Variants in CSMD1 observed in about 807,000 individuals in gnomAD.
The protein encoded by CSMD1 is CUB and sushi domain-containing protein 1.
In CSMD1, 213 loss-of-function variants were observed where a neutral mutation model predicts 417.5. The observed-to-expected ratio is 0.51, with a 90% CI of 0.46 to 0.57. The LOEUF (loss-of-function observed/expected upper bound fraction) is 0.57, where lower values mean the gene tolerates loss of function less well. Ranked by LOEUF, CSMD1 falls within the 20% of genes least tolerant of loss-of-function variation. The probability of loss-of-function intolerance (pLI) is 0.00; values close to 1 mark genes in which losing one functional copy is unlikely to be tolerated. For synonymous variants in CSMD1, 2,862 were observed against 1,736.8 expected (o/e 1.65, Z -16.11); for missense variants, 6,923 against 4,529.7 (o/e 1.53, Z -15.17).
Position 3,417,635 on chromosome 8 carries a change from C to T in CSMD1, c.1562-8030G>A, listed in dbSNP as rs73657874. On this transcript the variant is annotated intron_variant, in intron 12 of 69. Coordinates refer to ENST00000635120, the MANE Select transcript of CSMD1 (RefSeq NM_033225.6). ...GATTAAAATGGCCCAGAAATCAGTA[C>T]ATGCTTCCATTTTCGCTGAAGAGAG... Among the ~76,000 whole-genome samples, 593 of 152,000 alleles carry T rather than the reference C, an allele frequency of 3.9e-3. 3 individuals carry two copies. The highest frequency in any genetic ancestry group is 0.013 in the African/African-American group (548 of 41,468).
At chr8:3,339,632 A>G (rs1563288213) in intron 23 of CSMD1, among the ~76,000 whole-genome samples, 1 of 152,230 alleles carries the variant, frequency 6.6e-6, no homozygotes, top group Non-Finnish European at 1.5e-5. Flanking sequence ...CTACTCTGAT[A>G]TCCAATGCTT....
intron 1 of CSMD1, among the ~76,000 whole-genome samples, chr8:4,762,856 G>A (rs1226360559): frequency 2.6e-5 from 4 of 152,134 alleles, no homozygotes; most frequent in African/African-American, 7.2e-5. Flanking sequence ...GGTATGTATT[G>A]GAGTTAATAA....
At chr8:4,299,280 GT>G (rs1188657698) in intron 3 of CSMD1, among the ~76,000 whole-genome samples, 2 of 152,126 alleles carry the variant, frequency 1.3e-5, no homozygotes, top group African/African-American at 2.4e-5. Flanking sequence ...ATAAGATAAA[GT>G]TTTTCTTCAC....
intron 36 of CSMD1, among the ~76,000 whole-genome samples, chr8:3,186,097 C>T (rs904053215): frequency 5.4e-5 from 8 of 148,810 alleles, no homozygotes; most frequent in African/African-American, 2.0e-4. Flanking sequence ...ACCTGTAATG[C>T]TGTCTATTTA....
intron 12 of CSMD1, among the ~76,000 whole-genome samples, chr8:3,447,868 T>C (rs1376331504): frequency 1.3e-5 from 2 of 152,090 alleles, no homozygotes; most frequent in Admixed American, 6.5e-5. Flanking sequence ...TTACTCTTCG[T>C]TCCTCAAGGC....
chr8:3,276,021 C>T (rs965035874), intron 26 of CSMD1, among the ~76,000 whole-genome samples: 1 of 152,134 alleles, frequency 6.6e-6, no homozygotes, highest in Admixed American at 6.6e-5. Context: ...TTTAGAGTTT[C>T]CAGTTTTTCT....
chr8:4,738,363 C>T lies in CSMD1; in HGVS notation c.86-100805G>A, dbSNP rs895433369. Among the ~76,000 whole-genome samples the T allele has an allele frequency of 3.9e-5, 6 of 152,092 alleles. No individual in the cohort carries two copies. The South Asian group carries it at 6.2e-4, about 16-fold the overall frequency. ...GAAGAGGCCTCAGAAAACTTTCAAT[C>T]GTAGCAAAAGGGCAGCAAACATGTT... On this transcript the variant is annotated intron_variant, in intron 1 of 69. Transcript: ENST00000635120.
At chr8:4,840,726 C>T (rs972094127) in intron 1 of CSMD1, among the ~76,000 whole-genome samples, 5 of 152,196 alleles carry the variant, frequency 3.3e-5, no homozygotes, top group Non-Finnish European at 7.3e-5. Context: ...CTGAAGACCA[C>T]TGGCTTTTCA....
chr8:3,769,062 C>A (rs937356544), intron 5 of CSMD1, among the ~76,000 whole-genome samples: 25 of 152,312 alleles, frequency 1.6e-4, no homozygotes, highest in African/African-American at 6.0e-4. Context: ...GTTAGAAAGT[C>A]AGTCAGGAAA....
At chr8:3,227,742 G>C (rs1014990096) in intron 27 of CSMD1, among the ~76,000 whole-genome samples, 1 of 151,650 alleles carries the variant, frequency 6.6e-6, no homozygotes, top group Non-Finnish European at 1.5e-5. Context: ...AAACAGTCAA[G>C]CAGGATGTTG....
chr8:3,269,466 G>A (rs535086585), intron 26 of CSMD1, among the ~76,000 whole-genome samples: 2 of 152,236 alleles, frequency 1.3e-5, no homozygotes, highest in African/African-American at 2.4e-5. Context: ...GGCCTCTCCT[G>A]TAATAAACAA....
intron 12 of CSMD1, among the ~76,000 whole-genome samples, chr8:3,445,169 C>T (rs1310139952): frequency 2.6e-5 from 4 of 152,168 alleles, no homozygotes; most frequent in Non-Finnish European, 4.4e-5. Flanking sequence ...AATCATAACA[C>T]AGTACACTTT....
At chr8:3,096,299 C>T (rs1039025744) in intron 47 of CSMD1, among the ~76,000 whole-genome samples, 3 of 152,062 alleles carry the variant, frequency 2.0e-5, no homozygotes, top group Admixed American at 1.3e-4. Flanking sequence ...ATTGTAAATC[C>T]CACAATTCCC....
chr8:2,990,016 C>A (rs781616788), intron 54 of CSMD1, among the ~76,000 whole-genome samples: 3 of 152,188 alleles, frequency 2.0e-5, no homozygotes, highest in Non-Finnish European at 4.4e-5. Flanking sequence ...GGGATGGATA[C>A]AGAATGTTCT....
chr8:4,932,905 T>A (rs568202382), intron 1 of CSMD1, among the ~76,000 whole-genome samples: 1 of 152,214 alleles, frequency 6.6e-6, no homozygotes, highest in Admixed American at 6.5e-5. Context: ...GGCTTAAAAT[T>A]GCTGCCTAAT....
chr8:3,220,341 A>T (rs542759263), intron 28 of CSMD1, among the ~76,000 whole-genome samples: 6 of 152,132 alleles, frequency 3.9e-5, no homozygotes, highest in African/African-American at 1.4e-4. Context: ...ATATTAACAT[A>T]CAGTCAGTCC....
intron 3 of CSMD1, among the ~76,000 whole-genome samples, chr8:4,124,559 C>G (rs1467620433): frequency 6.6e-6 from 1 of 152,148 alleles, no homozygotes; most frequent in Admixed American, 6.5e-5. Flanking sequence ...TTTGTGGCCA[C>G]CTGCGCCCGG....
intron 49 of CSMD1, among the ~76,000 whole-genome samples, chr8:3,074,385 A>C (rs144182719): frequency 2.6e-5 from 4 of 152,124 alleles, no homozygotes; most frequent in Non-Finnish European, 5.9e-5. Context: ...AGGAGGGTCC[A>C]CCGCACCCCC....
chr8:3,619,105 C>A (rs1018733097), intron 7 of CSMD1, among the ~76,000 whole-genome samples: 1 of 149,130 alleles, frequency 6.7e-6, no homozygotes, highest in Admixed American at 6.6e-5. Context: ...CAGAGGAATA[C>A]AATAGAACAC....
Sources: allele counts gnomAD v4.1 joint callset (sites outside exome capture counted in the v4.1 genomes callset), GRCh38; gene constraint gnomAD v4.1.1; transcripts MANE v1.5; gene names NCBI Gene and HGNC (gene_info 2026-07-23, HGNC 2026-07-21).